Variants in TMEM171 observed in about 807,000 individuals in gnomAD.
TMEM171 encodes the protein proline-rich protein PRP2.
Under a neutral mutation model 19.1 loss-of-function variants are expected in TMEM171, and 16 were observed. The ratio of observed to expected loss-of-function variants is 0.84; its 90% confidence interval spans 0.57 to 1.27. TMEM171 has a LOEUF of 1.27. Among genes scored for constraint, TMEM171 ranks in the 50% most tolerant of loss-of-function variants. The probability of loss-of-function intolerance (pLI) is 0.00; values close to 1 mark genes in which losing one functional copy is unlikely to be tolerated. For missense variants in TMEM171, 429 were observed against 412.7 expected (o/e 1.04, Z -0.34); for synonymous variants, 153 against 163.4 (o/e 0.94, Z 0.48).
At chr5:73,127,380 A>ATATATATATAT (rs1281485655) in intron 2 of TMEM171, among the ~76,000 whole-genome samples, 3 of 61,472 alleles carry the variant, frequency 4.9e-5, no homozygotes, top group African/African-American at 1.7e-4. Context: ...AAAAAAAAAA[A>ATATATATATAT]AAAAATATAT....
chr5:73,128,301 A>G, intron 2 of TMEM171, 89 bp from the exon 3 acceptor site: 1 of 1,510,050 alleles, frequency 6.6e-7, no homozygotes, highest in Non-Finnish European at 9.0e-7. Flanking sequence ...TTTTATATAG[A>G]TGGGCCAAAT....
intron 1 of TMEM171, among the ~76,000 whole-genome samples, chr5:73,121,183 C>T (rs1209988777): frequency 6.6e-6 from 1 of 152,210 alleles, no homozygotes; most frequent in South Asian, 2.1e-4. Flanking sequence ...TCCACTAGTC[C>T]ACGGACAAGA....
At chr5:73,120,803 A>G (rs1409806415) in intron 1 of TMEM171, 107 bp downstream of exon 1, 5 of 943,710 alleles carry the variant, frequency 5.3e-6, no homozygotes, top group East Asian at 1.2e-4. Context: ...GGCGCTGGGT[A>G]TCCGAGCCCA....
intron 2 of TMEM171, among the ~76,000 whole-genome samples, chr5:73,127,784 A>G (rs1359459547): frequency 8.7e-5 from 13 of 149,800 alleles, no homozygotes; most frequent in Non-Finnish European, 1.5e-5. Context: ...TCTGTCACCC[A>G]GGCTGGAGTG....
rs1176974259 is a variant in TMEM171 at position 73,123,711 on chromosome 5, T to C, written c.338T>C (p.Leu113Pro). The C allele has an allele frequency of 6.2e-7, 1 of 1,614,200 alleles. No individual in the cohort carries two copies. The highest frequency in any genetic ancestry group is 1.1e-5 in the South Asian group (1 of 91,084). ...CGESRQFAQC[L>P]IFGFLFLTSG... is the part of the protein sequence containing the mutation. Reference sequence around the variant, plus strand: ...GAGAGCCGCCAGTTTGCCCAGTGCCTTATCTTTGGGTTTCTGTTCTTGACA... The same window carrying C: ...GAGAGCCGCCAGTTTGCCCAGTGCCCTATCTTTGGGTTTCTGTTCTTGACA... The change falls in exon 2 of 4, where the codon CTT (leucine) becomes CCT (proline). Residue 113 changes from leucine (L) to proline (P), a missense_variant. Coordinates refer to ENST00000454765, the MANE Select transcript of TMEM171 (RefSeq NM_173490.8).
At chr5:73,127,384 A>AAAAAAAAAAATATATATATATAT in intron 2 of TMEM171, among the ~76,000 whole-genome samples, 2 of 81,680 alleles carry the variant, frequency 2.4e-5, no homozygotes, top group East Asian at 3.4e-4. Flanking sequence ...AAAAAAAAAA[A>AAAAAAAAAAATATATATATATAT]ATATATATAT....
intron 2 of TMEM171, among the ~76,000 whole-genome samples, chr5:73,124,797 C>T (rs991715971): frequency 2.0e-5 from 3 of 152,192 alleles, no homozygotes; most frequent in African/African-American, 4.8e-5. Context: ...CCAGAGCCTG[C>T]CCCCTCAGAA....
At chr5:73,130,744 G>A (rs1744329482) in intron 3 of TMEM171, among the ~76,000 whole-genome samples, 1 of 152,154 alleles carries the variant, frequency 6.6e-6, no homozygotes, top group Non-Finnish European at 1.5e-5. Context: ...GGAGGTGCAT[G>A]TGGGAACGGC....
rs116710870 is a variant in TMEM171, at chr5:73,124,859, C to T, written c.640+846C>T. Among the ~76,000 whole-genome samples the T allele has an allele frequency of 6.6e-3, 999 of 152,340 alleles. 9 individuals are homozygous for T. Among genetic ancestry groups the T allele is most frequent in the African/African-American group, 0.023 (950 of 41,562 alleles). ...TCACACAACCAAGGAAAAACCCCAT[C>T]GCTGTTCATTGGCAGATCACTTTTT... On this transcript the variant is annotated intron_variant, in intron 2 of 3. Coordinates refer to ENST00000454765, the MANE Select transcript of TMEM171 (RefSeq NM_173490.8).
intron 2 of TMEM171, 120 bp downstream of exon 2, chr5:73,124,133 T>A: frequency 1.1e-6 from 1 of 891,170 alleles, no homozygotes; most frequent in Non-Finnish European, 1.7e-6. Context: ...CTCACACATG[T>A]GTGTGCACAC....
intron 2 of TMEM171, 94 bp from the exon 3 acceptor site, chr5:73,128,296 T>C (rs974340949): frequency 2.4e-5 from 35 of 1,488,518 alleles, no homozygotes; most frequent in Non-Finnish European, 2.7e-5. Context: ...TGACCTTTTA[T>C]ATAGATGGGC....
intron 2 of TMEM171, among the ~76,000 whole-genome samples, chr5:73,126,084 C>T (rs969255385): frequency 6.6e-5 from 10 of 152,180 alleles, no homozygotes; most frequent in African/African-American, 2.2e-4. Context: ...CCAGGGAGAG[C>T]AGGTTGCAGG....
chr5:73,131,671 GA>G lies in TMEM171; in HGVS notation c.921del (p.Glu308LysfsTer38). 6.2e-7 allele frequency: 1 copy of G among 1,613,628 alleles called. No homozygotes were observed. Among genetic ancestry groups the G allele is most frequent in the African/African-American group, 1.3e-5 (1 of 74,978 alleles). ...ATCTGAATTGCCTCCTAGATATGAA[GA>G]AAAAGAAAATGCTGCAGCTACATTC... ...LPSELPPRYE[E>X]KENAAATFLP... On this transcript the variant is annotated frameshift_variant, in exon 4 of 4. Transcript: ENST00000454765. LOFTEE classifies it low-confidence loss of function (END_TRUNC).
chr5:73,131,220 A>C (rs868168281), intron 3 of TMEM171, among the ~76,000 whole-genome samples: 1 of 133,966 alleles, frequency 7.5e-6, no homozygotes. Context: ...AGCAGAGAAC[A>C]GTAAGTGTGT....
intron 1 of TMEM171, among the ~76,000 whole-genome samples, chr5:73,121,107 A>G (rs569014160): frequency 1.3e-5 from 2 of 151,942 alleles, no homozygotes; most frequent in South Asian, 4.2e-4. Context: ...TCTGTGGGAG[A>G]AGGAGAGAGA....
chr5:73,123,328 A>C lies in TMEM171; in HGVS notation c.-46A>C. ...CAGAGCTGCTGAAATCTTGGAGGGAAGAAAACACATCCCACCCTGCCTCCG... is the reference window on the plus strand; with the variant it reads ...CAGAGCTGCTGAAATCTTGGAGGGACGAAAACACATCCCACCCTGCCTCCG... On this transcript the variant is annotated 5_prime_UTR_variant, in exon 2 of 4. Transcript: ENST00000454765. The C allele has an allele frequency of 6.4e-7, 1 of 1,558,024 alleles. No homozygotes were observed.
chr5:73,124,225 C>A (rs1744104587), intron 2 of TMEM171, among the ~76,000 whole-genome samples: 1 of 152,182 alleles, frequency 6.6e-6, no homozygotes, highest in South Asian at 2.1e-4. Flanking sequence ...TCTTTTCCCC[C>A]CCAGCAACTC....
chr5:73,131,771 A>G lies in TMEM171; in HGVS notation c.*41A>G. 6.9e-7 allele frequency: 1 copy of G among 1,454,234 alleles called. No individual in the cohort carries two copies. The highest frequency in any genetic ancestry group is 9.2e-7 in the Non-Finnish European group (1 of 1,092,270). 90.1% of individuals were successfully genotyped at this position (1,454,234 alleles called of 1,614,324 possible). On this transcript the variant is annotated 3_prime_UTR_variant, in exon 4 of 4. Coordinates refer to ENST00000454765, the MANE Select transcript of TMEM171 (RefSeq NM_173490.8). ...TCAGTTTTATATGCAATGGATCACT[A>G]TTTTATTTAATTTTTTTTAAATAAA...
rs921574385 is a variant in TMEM171, at chr5:73,123,837, C to T, written c.464C>T (p.Pro155Leu). Reference sequence around the variant, plus strand: ...GAGACAGACACTGGCGACTCAGAGCCCCGGATGTGTGGGTTCCTTTCTCTG... The same window carrying T: ...GAGACAGACACTGGCGACTCAGAGCTCCGGATGTGTGGGTTCCTTTCTCTG... ...LNETDTGDSE[P>L]RMCGFLSLQI... Residue 155 changes from proline (P) to leucine (L), a missense_variant, in exon 2 of 4, where the codon CCC (proline) becomes CTC (leucine). By Grantham distance (98) the Pro-to-Leu change is moderately conservative. Coordinates refer to ENST00000454765, the MANE Select transcript of TMEM171 (RefSeq NM_173490.8). 3.1e-6 allele frequency: 5 copies of T among 1,613,300 alleles called. No homozygotes were observed. In the African/African-American group the frequency reaches 5.3e-5, roughly 17 times the overall value.
Sources: allele counts gnomAD v4.1 joint callset (sites outside exome capture counted in the v4.1 genomes callset), GRCh38; gene constraint gnomAD v4.1.1; transcripts MANE v1.5; gene names NCBI Gene and HGNC (gene_info 2026-07-23, HGNC 2026-07-21).